Variants in CCDC15 observed in about 807,000 individuals in gnomAD.
CCDC15 encodes the protein coiled-coil domain containing 15, also known as coiled-coil domain-containing protein 15.
CCDC15 carries 105 observed loss-of-function variants against 114.5 expected under a neutral mutation model. That is an observed-to-expected ratio of 0.92 (90% CI 0.78 to 1.08). The LOEUF (loss-of-function observed/expected upper bound fraction) is 1.08. Ranked by LOEUF, CCDC15 falls within the 50% of genes least tolerant of loss-of-function variation. The probability of loss-of-function intolerance (pLI) is 0.00; values close to 1 mark genes in which losing one functional copy is unlikely to be tolerated. For synonymous variants in CCDC15, 334 were observed against 377.8 expected, an observed-to-expected ratio of 0.88 and a Z score of 1.34; for missense variants, 1,105 against 1,093.6, an observed-to-expected ratio of 1.01 and a Z score of -0.15.
At chr11:125,029,044 T>C (rs997224583) in intron 13 of CCDC15, among the ~76,000 whole-genome samples, 6 of 152,164 alleles carry the variant, frequency 3.9e-5, no homozygotes. Flanking sequence ...GCAGGAAGCA[T>C]TCAGCACACG....
intron 12 of CCDC15, 91 bp downstream of exon 12, chr11:125,004,050 A>C (rs1394991984): frequency 8.2e-6 from 5 of 610,536 alleles, no homozygotes; most frequent in Non-Finnish European, 1.3e-5. Flanking sequence ...GTGTCCTAAC[A>C]CATAAAAGAG....
chr11:124,985,974 A>G (rs1040680449), intron 6 of CCDC15, among the ~76,000 whole-genome samples: 2 of 152,002 alleles, frequency 1.3e-5, no homozygotes, highest in Admixed American at 6.6e-5. Flanking sequence ...TTCTTTTAAG[A>G]TTTTATAGTT....
chr11:125,035,054 C>A (rs1948766841), intron 13 of CCDC15, among the ~76,000 whole-genome samples: 2 of 152,140 alleles, frequency 1.3e-5, no homozygotes, highest in Admixed American at 6.6e-5. Context: ...AACTTGGAGT[C>A]TGATGTTGGA....
chr11:125,008,736 A>G (rs1445442522), intron 13 of CCDC15, among the ~76,000 whole-genome samples: 1 of 151,542 alleles, frequency 6.6e-6, no homozygotes, highest in African/African-American at 2.4e-5. Context: ...CTCCGTTGCT[A>G]GGCTGGAGTG....
At chr11:124,968,309 A>AAC (rs1947819388) in intron 4 of CCDC15, among the ~76,000 whole-genome samples, 1 of 152,152 alleles carries the variant, frequency 6.6e-6, no homozygotes, top group Non-Finnish European at 1.5e-5. Flanking sequence ...AGTGGGCTCC[A>AAC]CCCAGTTCGA....
At chr11:124,967,330 C>A (rs1221335564) in intron 4 of CCDC15, among the ~76,000 whole-genome samples, 1 of 152,136 alleles carries the variant, frequency 6.6e-6, no homozygotes, top group Non-Finnish European at 1.5e-5. Context: ...AGGCTTTGTT[C>A]ATTTCTTTTT....
chr11:124,991,258 TAG>T (rs1948263808), intron 8 of CCDC15, among the ~76,000 whole-genome samples: 1 of 152,204 alleles, frequency 6.6e-6, no homozygotes, highest in Non-Finnish European at 1.5e-5. Flanking sequence ...CTGAATTGTT[TAG>T]AGTGTAGTTT....
chr11:124,955,107 ATATT>A (rs1947526119), intron 2 of CCDC15, among the ~76,000 whole-genome samples, 198 bp downstream of exon 2: 1 of 152,260 alleles, frequency 6.6e-6, no homozygotes, highest in African/African-American at 2.4e-5. Flanking sequence ...GCATAATCAA[ATATT>A]TATTACTCAC....
chr11:125,038,904 A>G lies in CCDC15; in HGVS notation c.2586-17A>G, dbSNP rs910854058. ...TTTTAATAGTTCACTTTGCCTGATT[A>G]TACTTTATTTGTACAGATATGTAGA... On this transcript the variant is annotated splice_polypyrimidine_tract_variant and intron_variant, in intron 14 of 15. Coordinates refer to ENST00000344762, the MANE Select transcript of CCDC15 (RefSeq NM_025004.3). The G allele has an allele frequency of 1.2e-6, 2 of 1,601,540 alleles. No homozygotes were observed. The highest frequency in any genetic ancestry group is 2.7e-5 in the African/African-American group (2 of 74,354).
At chr11:124,958,425 A>C (rs953412346) in intron 2 of CCDC15, among the ~76,000 whole-genome samples, 1 of 152,164 alleles carries the variant, frequency 6.6e-6, no homozygotes, top group African/African-American at 2.4e-5. Context: ...AGTTCTTCCA[A>C]CATGGCCCAG....
At chr11:125,000,598 A>G (rs1438288684) in intron 11 of CCDC15, among the ~76,000 whole-genome samples, 2 of 152,230 alleles carry the variant, frequency 1.3e-5, no homozygotes, top group East Asian at 3.8e-4. Flanking sequence ...TGAAAACAGA[A>G]AGTAATTTCA....
At chr11:125,004,362 G>A (rs79543067) in intron 12 of CCDC15, among the ~76,000 whole-genome samples, 1 of 151,502 alleles carries the variant, frequency 6.6e-6, no homozygotes, top group African/African-American at 2.4e-5. Context: ...AATATGCCTA[G>A]ATCTAAACCA....
intron 11 of CCDC15, among the ~76,000 whole-genome samples, chr11:125,002,775 A>G (rs1456644460): frequency 6.6e-6 from 1 of 152,084 alleles, no homozygotes; most frequent in Non-Finnish European, 1.5e-5. Context: ...TCCTTGTATT[A>G]GTACAATTTG....
intron 12 of CCDC15, 136 bp from the exon 13 acceptor site, chr11:125,004,973 G>A (rs1948536248): frequency 2.0e-6 from 1 of 491,758 alleles, no homozygotes; most frequent in Non-Finnish European, 3.7e-6. Flanking sequence ...GGAAATTAAA[G>A]ACTTAATCAT....
intron 13 of CCDC15, among the ~76,000 whole-genome samples, chr11:125,009,222 C>T (rs1040498033): frequency 2.3e-4 from 6 of 26,334 alleles, no homozygotes; most frequent in Admixed American, 1.6e-3. Flanking sequence ...AGCGAAACTC[C>T]GTCTCAAAAA....
rs930187983 is a variant in CCDC15, at chr11:125,008,850, C to T, written c.2411+3638C>T. Among the ~76,000 whole-genome samples the T allele has an allele frequency of 2.0e-5, 3 of 151,826 alleles. No homozygotes were observed. In the South Asian group the frequency reaches 6.2e-4, roughly 32 times the overall value. On this transcript the variant is annotated intron_variant, in intron 13 of 15. Coordinates refer to ENST00000344762, the MANE Select transcript of CCDC15 (RefSeq NM_025004.3). Reference sequence around the variant, plus strand: ...TGGGACTACAGGCTATGGGTTTTTACTGTGCCCCTTAGAGCTCAACCCCAG... The same window carrying T: ...TGGGACTACAGGCTATGGGTTTTTATTGTGCCCCTTAGAGCTCAACCCCAG...
chr11:124,958,074 A>G (rs747771779), intron 2 of CCDC15, among the ~76,000 whole-genome samples: 1 of 152,196 alleles, frequency 6.6e-6, no homozygotes, highest in Non-Finnish European at 1.5e-5. Flanking sequence ...AAGAATACCT[A>G]CTGCCAAAGG....
At chr11:125,038,333 T>G (rs933603709) in intron 13 of CCDC15, 98 bp from the exon 14 acceptor site, 2 of 805,186 alleles carry the variant, frequency 2.5e-6, no homozygotes, top group African/African-American at 3.6e-5. Flanking sequence ...TCCTGACTCC[T>G]TAGTTTCTGG....
chr11:124,962,671 T>C (rs1035526508), intron 4 of CCDC15, among the ~76,000 whole-genome samples: 61 of 152,032 alleles, frequency 4.0e-4, no homozygotes, highest in African/African-American at 1.4e-3. Context: ...TATTATACTT[T>C]AAATTCTAGG....
Sources: allele counts gnomAD v4.1 joint callset (sites outside exome capture counted in the v4.1 genomes callset), GRCh38; gene constraint gnomAD v4.1.1; transcripts MANE v1.5; gene names NCBI Gene and HGNC (gene_info 2026-07-23, HGNC 2026-07-21).